Variants in CFAP20DC observed in about 807,000 individuals in gnomAD.
CFAP20DC encodes CFAP20 domain containing, also known as protein CFAP20DC.
A neutral mutation model predicts 101.7 loss-of-function variants in CFAP20DC; 84 were observed. The observed-to-expected ratio is 0.83, with a 90% confidence interval of 0.69 to 0.99. CFAP20DC has a LOEUF of 0.99. Among genes scored for constraint, CFAP20DC ranks in the 50% least tolerant of loss-of-function variants. The probability of loss-of-function intolerance (pLI) is 0.00; values close to 1 mark genes in which losing one functional copy is unlikely to be tolerated. For synonymous variants in CFAP20DC, 359 were observed against 351.2 expected (o/e 1.02, Z -0.25); for missense variants, 1,007 against 970.3 (o/e 1.04, Z -0.50).
intron 12 of CFAP20DC, chr3:58,862,444 G>A: frequency 1.0e-6 from 1 of 985,336 alleles, no homozygotes; most frequent in Non-Finnish European, 1.2e-6. Flanking sequence ...TGTATAAAAG[G>A]ATTTGCAGTA....
intron 4 of CFAP20DC, among the ~76,000 whole-genome samples, chr3:58,983,174 C>G (rs1302690471): frequency 6.6e-6 from 1 of 152,168 alleles, no homozygotes; most frequent in Non-Finnish European, 1.5e-5. Flanking sequence ...TTGCCAGAAT[C>G]ATTTCAGTGA....
At chr3:58,885,934 T>C (rs1427254035) in intron 6 of CFAP20DC, among the ~76,000 whole-genome samples, 1 of 152,142 alleles carries the variant, frequency 6.6e-6, no homozygotes, top group Non-Finnish European at 1.5e-5. Flanking sequence ...TGCAGATGTC[T>C]CTCTGTAATT....
intron 5 of CFAP20DC, among the ~76,000 whole-genome samples, chr3:58,918,719 A>G (rs760289416): frequency 3.3e-5 from 5 of 152,090 alleles, no homozygotes; most frequent in Admixed American, 6.6e-5. Flanking sequence ...GGGATGCAAG[A>G]GTCTGGGCTC....
intron 13 of CFAP20DC, among the ~76,000 whole-genome samples, chr3:58,832,169 T>C (rs138677502): frequency 6.6e-6 from 1 of 152,340 alleles, no homozygotes; most frequent in African/African-American, 2.4e-5. Context: ...TTCTGGGTAA[T>C]GCTTAGGCTC....
intron 7 of CFAP20DC, among the ~76,000 whole-genome samples, chr3:58,877,700 T>C (rs2108593993): frequency 6.6e-6 from 1 of 152,348 alleles, no homozygotes; most frequent in South Asian, 2.1e-4. Context: ...AAGCAGGTTC[T>C]TCCCATATTT....
At chr3:58,918,203 T>C (rs1475344379) in intron 5 of CFAP20DC, among the ~76,000 whole-genome samples, 1 of 152,196 alleles carries the variant, frequency 6.6e-6, no homozygotes, top group Non-Finnish European at 1.5e-5. Context: ...TGGGGTCCAT[T>C]TGTGCTTCTA....
chr3:58,929,025 G>C (rs1256764369), intron 5 of CFAP20DC, among the ~76,000 whole-genome samples: 1 of 152,038 alleles, frequency 6.6e-6, no homozygotes, highest in Admixed American at 6.6e-5. Flanking sequence ...ACCTATTATA[G>C]CTCCTTTCTT....
At position 58,813,381 on chromosome 3, in the gene CFAP20DC, C is replaced by T. The variant is rs548264577; in HGVS notation, c.2176-6925G>A. Among the ~76,000 whole-genome samples the T allele has an allele frequency of 1.2e-4, 18 of 152,008 alleles. 1 individual carries two copies. Among genetic ancestry groups the T allele is most frequent in the Middle Eastern group, 3.4e-3 (1 of 292 alleles). Reference sequence around the variant, plus strand: ...AGTATTTATGTGGTTAGCAACAATGCGATTCTAATAAGAAATCATTTTCAA... The same window carrying T: ...AGTATTTATGTGGTTAGCAACAATGTGATTCTAATAAGAAATCATTTTCAA... On this transcript the variant is annotated intron_variant, in intron 14 of 16. Transcript: ENST00000482387.
rs1012303375 is a variant in CFAP20DC at position 58,732,939 on chromosome 3, G to T, written c.198-15311C>A. ...AGAAAATAAATGCAAAGCTGAAGAGGATTATTTCTATAATTTCTTAACATA... is the reference window on the plus strand; with the variant it reads ...AGAAAATAAATGCAAAGCTGAAGAGTATTATTTCTATAATTTCTTAACATA... On this transcript the variant is annotated intron_variant, in intron 3 of 3. Coordinates refer to the CFAP20DC transcript ENST00000486145. This position sits in a 1 kb window ranked among gnomAD's most constrained non-coding sequence, Gnocchi z 5.4. 3.3e-5 allele frequency among the ~76,000 whole-genome samples: 5 copies of T among 152,086 alleles called. No homozygotes were observed. The highest frequency in any genetic ancestry group is 1.2e-4 in the African/African-American group (5 of 41,390).
chr3:58,773,488 C>T (rs755132070), intron 15 of CFAP20DC, among the ~76,000 whole-genome samples: 5 of 151,670 alleles, frequency 3.3e-5, no homozygotes, highest in Admixed American at 6.6e-5. Context: ...CCTGGAGGGT[C>T]GAGGCTATAG....
chr3:58,813,084 T>C (rs188076369), intron 14 of CFAP20DC, among the ~76,000 whole-genome samples: 2 of 151,982 alleles, frequency 1.3e-5, no homozygotes, highest in African/African-American at 2.4e-5. Flanking sequence ...GAATTACACA[T>C]GTAAATCTTA....
At chr3:59,040,686 C>T (rs549429280) in intron 3 of CFAP20DC, among the ~76,000 whole-genome samples, 8 of 152,100 alleles carry the variant, frequency 5.3e-5, no homozygotes, top group Admixed American at 2.6e-4. Flanking sequence ...AGTAACAACA[C>T]GTTTTTGGAT....
chr3:58,997,920 A>T (rs975056604), intron 4 of CFAP20DC, among the ~76,000 whole-genome samples: 3 of 152,148 alleles, frequency 2.0e-5, no homozygotes, highest in Non-Finnish European at 4.4e-5. Flanking sequence ...GACAAATAAG[A>T]TCCCATAGAA....
At chr3:58,758,726 C>A (rs2069208873) in intron 15 of CFAP20DC, among the ~76,000 whole-genome samples, 1 of 152,024 alleles carries the variant, frequency 6.6e-6, no homozygotes, top group Admixed American at 6.6e-5. Flanking sequence ...TGTGATTTTT[C>A]CCTTCCTGTG....
chr3:58,810,710 T>C (rs200093181), intron 14 of CFAP20DC, among the ~76,000 whole-genome samples: 6 of 143,712 alleles, frequency 4.2e-5, no homozygotes, highest in East Asian at 2.3e-4. Flanking sequence ...CCAGGGCAAT[T>C]AGGCAGGAGA....
At chr3:58,936,589 C>A (rs1327572881) in intron 5 of CFAP20DC, among the ~76,000 whole-genome samples, 1 of 152,144 alleles carries the variant, frequency 6.6e-6, no homozygotes, top group Non-Finnish European at 1.5e-5. Flanking sequence ...GAATACTATG[C>A]AGCCATAAAA....
chr3:58,812,819 T>A (rs2074774248), intron 14 of CFAP20DC, among the ~76,000 whole-genome samples: 1 of 151,910 alleles, frequency 6.6e-6, no homozygotes, highest in South Asian at 2.1e-4. Flanking sequence ...ATTATTTTAG[T>A]GGCCCAGTCA....
intron 4 of CFAP20DC, among the ~76,000 whole-genome samples, chr3:59,012,108 G>T (rs748821654): frequency 6.6e-5 from 10 of 152,116 alleles, no homozygotes; most frequent in Non-Finnish European, 1.3e-4. Flanking sequence ...ACTATAAATT[G>T]ACTGAATAAA....
Position 58,745,258 on chromosome 3 carries a change from T to G in CFAP20DC, c.2333-2686A>C, listed in dbSNP as rs76794807. On this transcript the variant is annotated intron_variant, in intron 16 of 16. Coordinates refer to ENST00000482387, the MANE Select transcript of CFAP20DC (RefSeq NM_001394063.1). ...TTTCAGATATTCAATCCATTATGCC[T>G]TTAAAGTTTGGACTACTTGAGAGAA... Among the ~76,000 whole-genome samples the G allele has an allele frequency of 4.1e-4, 63 of 152,304 alleles. 1 individual carries two copies. The East Asian group carries it at 0.012, about 29-fold the overall frequency.
Sources: allele counts gnomAD v4.1 joint callset (sites outside exome capture counted in the v4.1 genomes callset), GRCh38; gene constraint gnomAD v4.1.1; non-coding constraint Gnocchi (gnomAD v3.1); transcripts MANE v1.5; gene names NCBI Gene and HGNC (gene_info 2026-07-23, HGNC 2026-07-21).